The following KCNIP4 variants were observed in gnomAD, a reference collection of about 807,000 sequenced individuals.
KCNIP4 encodes the protein potassium voltage-gated channel interacting protein 4.
In KCNIP4, 12 loss-of-function variants were observed where a neutral mutation model predicts 34.0. The observed-to-expected ratio is 0.35, with a 90% CI of 0.23 to 0.57. The LOEUF (loss-of-function observed/expected upper bound fraction) is 0.57. KCNIP4 is among the 20% of genes least tolerant of loss of function. KCNIP4 has a pLI of 0.83. For synonymous variants in KCNIP4, 124 were observed against 102.2 expected (o/e 1.21, Z -1.29); for missense variants, 238 against 311.7 (o/e 0.76, Z 1.78).
chr4:20,732,716 C>A lies in KCNIP4; in HGVS notation c.607G>T (p.Asp203Tyr). 1 of 1,612,630 alleles carries A rather than the reference C, an allele frequency of 6.2e-7. No homozygotes were observed. The highest frequency in any genetic ancestry group is 8.5e-7 in the Non-Finnish European group (1 of 1,178,884). The change falls in exon 7 of 9, where the codon GAT (aspartate) becomes TAT (tyrosine). Residue 203 changes from aspartate to tyrosine, a missense_variant. Coordinates refer to ENST00000382152, the MANE Select transcript of KCNIP4 (RefSeq NM_025221.6). Reference protein sequence around the residue: ...GKCTYPVLKEDAPRQHVETFF... With the variant: ...GKCTYPVLKEYAPRQHVETFF... ...GTTTCAACGTGTTGTCTGGGAGCATCTTCTTTGAGGACAGGATATGTACAT... is the reference window on the plus strand; with the variant it reads ...GTTTCAACGTGTTGTCTGGGAGCATATTCTTTGAGGACAGGATATGTACAT...
chr4:21,806,591 A>G (rs1721312493), intron 1 of KCNIP4, among the ~76,000 whole-genome samples: 1 of 152,208 alleles, frequency 6.6e-6, no homozygotes, highest in African/African-American at 2.4e-5. Flanking sequence ...CATTTCAGGC[A>G]CTGTATTCAG....
At chr4:21,117,401 G>T (rs777930631) in intron 1 of KCNIP4, among the ~76,000 whole-genome samples, 1 of 148,740 alleles carries the variant, frequency 6.7e-6, no homozygotes, top group Non-Finnish European at 1.5e-5. Flanking sequence ...AATAAAGAGT[G>T]AATGGACAAT....
At chr4:20,955,840 C>T (rs921640895) in intron 1 of KCNIP4, among the ~76,000 whole-genome samples, 3 of 152,124 alleles carry the variant, frequency 2.0e-5, no homozygotes, top group African/African-American at 7.2e-5. Flanking sequence ...CTTTTAGTTC[C>T]ATATTAAGTA....
chr4:20,880,128 G>C (rs188933903), intron 2 of KCNIP4, among the ~76,000 whole-genome samples: 1 of 152,228 alleles, frequency 6.6e-6, no homozygotes, highest in East Asian at 1.9e-4. Flanking sequence ...ATTTGGTATT[G>C]ATATGACATA....
At chr4:21,783,236 G>C (rs1719684563) in intron 1 of KCNIP4, among the ~76,000 whole-genome samples, 1 of 152,128 alleles carries the variant, frequency 6.6e-6, no homozygotes, top group Non-Finnish European at 1.5e-5. Context: ...GGCTAAACAA[G>C]TTTTCTCAGT....
At chr4:21,375,684 A>G (rs561395065) in intron 1 of KCNIP4, among the ~76,000 whole-genome samples, 3 of 151,610 alleles carry the variant, frequency 2.0e-5, no homozygotes, top group South Asian at 4.2e-4. Flanking sequence ...GTCTTGCCTC[A>G]GCCTCCCGAG....
At chr4:21,773,669 A>G (rs1041275252) in intron 1 of KCNIP4, among the ~76,000 whole-genome samples, 1 of 150,314 alleles carries the variant, frequency 6.7e-6, no homozygotes, top group Non-Finnish European at 1.5e-5. Context: ...TTGTTATCTA[A>G]TGCCCTTTTT....
chr4:20,880,282 T>A (rs570592492), intron 2 of KCNIP4, among the ~76,000 whole-genome samples: 1 of 152,184 alleles, frequency 6.6e-6, no homozygotes, highest in South Asian at 2.1e-4. Flanking sequence ...GTCCTGAACA[T>A]GAGAGACTTT....
At chr4:21,784,321 C>A (rs1719761808) in intron 1 of KCNIP4, among the ~76,000 whole-genome samples, 1 of 152,076 alleles carries the variant, frequency 6.6e-6, no homozygotes, top group Admixed American at 6.5e-5. Flanking sequence ...TCGACTCCAA[C>A]AAATCCTGTG....
chr4:21,679,505 C>T (rs1560621072), intron 1 of KCNIP4, among the ~76,000 whole-genome samples: 1 of 152,146 alleles, frequency 6.6e-6, no homozygotes, highest in Non-Finnish European at 1.5e-5. Flanking sequence ...ATCCCCAACT[C>T]CACACCCATG....
intron 1 of KCNIP4, among the ~76,000 whole-genome samples, chr4:21,932,430 C>A (rs1346997270): frequency 6.6e-6 from 1 of 152,124 alleles, no homozygotes; most frequent in Non-Finnish European, 1.5e-5. Flanking sequence ...CTATGTGATA[C>A]TTGCTATTTG....
intron 1 of KCNIP4, among the ~76,000 whole-genome samples, chr4:21,623,448 C>T (rs1560571254): frequency 6.6e-6 from 1 of 152,192 alleles, no homozygotes; most frequent in Non-Finnish European, 1.5e-5. Context: ...AGTAAGAACT[C>T]AACAAATATT....
At chr4:21,844,946 A>G (rs1723919633) in intron 1 of KCNIP4, 1 of 141,098 alleles carries the variant, frequency 7.1e-6, no homozygotes, top group South Asian at 2.2e-4. Context: ...GGTAATAAAT[A>G]GAATAAAGAT....
At chr4:21,755,878 C>A (rs1717474490) in intron 1 of KCNIP4, among the ~76,000 whole-genome samples, 1 of 152,126 alleles carries the variant, frequency 6.6e-6, no homozygotes, top group African/African-American at 2.4e-5. Context: ...GCTGATAGGG[C>A]AGTAATGATC....
chr4:21,864,647 C>T (rs568418569), intron 1 of KCNIP4, among the ~76,000 whole-genome samples: 2 of 152,262 alleles, frequency 1.3e-5, no homozygotes, highest in Middle Eastern at 6.8e-3. Flanking sequence ...AGAAATATTT[C>T]CTTCCCTCTC....
chr4:21,299,998 C>T lies in KCNIP4; in HGVS notation c.62-417289G>A, dbSNP rs189859803. ...AAGGACTTAGATTACCAGTTGATTTCTTTTTGTCTTTTTATCAAAGATAAT... is the reference window on the plus strand; with the variant it reads ...AAGGACTTAGATTACCAGTTGATTTTTTTTTGTCTTTTTATCAAAGATAAT... On this transcript the variant is annotated intron_variant, in intron 1 of 8. Coordinates refer to ENST00000382152, the MANE Select transcript of KCNIP4 (RefSeq NM_025221.6). Among the ~76,000 whole-genome samples, 316 of 152,186 alleles carry T rather than the reference C, an allele frequency of 2.1e-3. 2 individuals carry two copies. The highest frequency in any genetic ancestry group is 7.2e-3 in the African/African-American group (298 of 41,544).
At chr4:21,890,263 C>T (rs1371341668) in intron 1 of KCNIP4, among the ~76,000 whole-genome samples, 1 of 152,230 alleles carries the variant, frequency 6.6e-6, no homozygotes, top group Non-Finnish European at 1.5e-5. Flanking sequence ...CAGAGGCAGA[C>T]TTAAGAATTT....
intron 1 of KCNIP4, among the ~76,000 whole-genome samples, chr4:20,921,950 A>T (rs549760138): frequency 6.6e-6 from 1 of 152,368 alleles, no homozygotes; most frequent in African/African-American, 2.4e-5. Context: ...TTAAGATGAA[A>T]ACATTTTTTA....
chr4:21,730,893 G>T (rs1434005103), intron 1 of KCNIP4, among the ~76,000 whole-genome samples: 4 of 151,968 alleles, frequency 2.6e-5, no homozygotes, highest in Admixed American at 2.6e-4. Context: ...CGGGCAAATA[G>T]CTGGAGTCGA....
Sources: gnomAD v4.1 joint callset for allele counts (sites outside exome capture counted in the v4.1 genomes callset) on GRCh38, gnomAD v4.1.1 for gene constraint, MANE v1.5 for transcripts, NCBI Gene and HGNC (gene_info 2026-07-23, HGNC 2026-07-21) for gene names.